The following STAMBPL1 variants were observed in gnomAD, a reference collection of about 807,000 sequenced individuals.
STAMBPL1 encodes STAM binding protein like 1.
In STAMBPL1, 44 loss-of-function variants were observed where a neutral mutation model predicts 52.9. The observed-to-expected ratio is 0.83, with a 90% confidence interval of 0.65 to 1.07. The LOEUF (loss-of-function observed/expected upper bound fraction) is 1.07. STAMBPL1 is among the 50% of genes least tolerant of loss of function. The pLI is 0.00. For missense variants in STAMBPL1, 511 were observed against 520.8 expected, an observed-to-expected ratio of 0.98 and a Z score of 0.18; for synonymous variants, 164 against 177.3, an observed-to-expected ratio of 0.92 and a Z score of 0.60.
intron 5 of STAMBPL1, among the ~76,000 whole-genome samples, chr10:88,911,422 T>C (rs940077404): frequency 6.6e-6 from 1 of 152,206 alleles, no homozygotes; most frequent in Non-Finnish European, 1.5e-5. Flanking sequence ...ATTCTTAGAA[T>C]GTTACAGTCA....
intron 1 of STAMBPL1, among the ~76,000 whole-genome samples, chr10:88,885,909 A>G (rs1431604785): frequency 6.6e-6 from 1 of 152,202 alleles, no homozygotes; most frequent in African/African-American, 2.4e-5. Flanking sequence ...TTATAAATGT[A>G]TGTTCTCATA....
Position 88,913,193 on chromosome 10 carries a change from G to C in STAMBPL1, c.513G>C (p.Gln171His), listed in dbSNP as rs773270910. 2 of 1,613,866 alleles carry C rather than the reference G, an allele frequency of 1.2e-6. No homozygotes were observed. The highest frequency in any genetic ancestry group is 2.2e-5 in the South Asian group (2 of 91,072). The change falls in exon 6 of 11, where the codon CAG (glutamine) becomes CAC (histidine). Residue 171 changes from glutamine to histidine, a missense_variant. Physicochemically the swap from Gln to His is conservative, Grantham distance 24. Coordinates refer to ENST00000371926, the MANE Select transcript of STAMBPL1 (RefSeq NM_020799.4). ...RKRIAQMRQQQLESEQFLFFE... is the reference protein window; with the variant it reads ...RKRIAQMRQQHLESEQFLFFE... ...GGATTGCTCAGATGCGCCAGCAGCAGCTAGAATCGGAGCAGTTTCTGTTTT... is the reference window on the plus strand; with the variant it reads ...GGATTGCTCAGATGCGCCAGCAGCACCTAGAATCGGAGCAGTTTCTGTTTT...
chr10:88,884,961 G>A (rs1279812392), intron 1 of STAMBPL1, among the ~76,000 whole-genome samples: 16 of 152,186 alleles, frequency 1.1e-4, no homozygotes, highest in Admixed American at 1.0e-3. Flanking sequence ...TAAATAAATA[G>A]CTGTAAATGC....
At chr10:88,913,688 ATGGGAAGTATTT>A (rs1845290382) in intron 6 of STAMBPL1, among the ~76,000 whole-genome samples, 2 of 149,418 alleles carry the variant, frequency 1.3e-5, no homozygotes. Flanking sequence ...TCTATAATAA[ATGGGAAGTATTT>A]TGTCATTGAC....
intron 8 of STAMBPL1, among the ~76,000 whole-genome samples, chr10:88,918,900 GTTGTTTAATAAGTTTAGCA>G (rs1209945522): frequency 6.6e-6 from 1 of 152,140 alleles, no homozygotes; most frequent in East Asian, 1.9e-4. Flanking sequence ...ATGAAGGTAA[GTTGTTTAATAAGTTTAGCA>G]TAATTCTTGA....
intron 4 of STAMBPL1, among the ~76,000 whole-genome samples, chr10:88,910,477 C>T (rs1183134435): frequency 6.6e-6 from 1 of 152,132 alleles, no homozygotes; most frequent in African/African-American, 2.4e-5. Flanking sequence ...AGTGCCTCAG[C>T]TATTCTTTTT....
At chr10:88,887,772 T>A (rs896873561) in intron 1 of STAMBPL1, among the ~76,000 whole-genome samples, 1 of 152,182 alleles carries the variant, frequency 6.6e-6, no homozygotes, top group African/African-American at 2.4e-5. Flanking sequence ...TCTTTCCACC[T>A]CAGCCACTCA....
chr10:88,881,096 C>A (rs1040480487), intron 1 of STAMBPL1, among the ~76,000 whole-genome samples: 1 of 152,112 alleles, frequency 6.6e-6, no homozygotes, highest in Non-Finnish European at 1.5e-5. Context: ...GACCTTTACC[C>A]CGGCCGAGCA....
chr10:88,916,773 A>G lies in STAMBPL1; in HGVS notation c.997A>G (p.Asn333Asp). The G allele has an allele frequency of 1.9e-6, 3 of 1,609,884 alleles. No homozygotes were observed. Among genetic ancestry groups the G allele is most frequent in the Non-Finnish European group, 2.5e-6 (3 of 1,178,156 alleles). Residue 333 changes from asparagine (N) to aspartate (D), a missense_variant, in exon 8 of 11, where the codon AAT becomes GAT. By Grantham distance (23) the Asn-to-Asp change is conservative. Transcript: ENST00000371926. Reference protein sequence around the residue: ...CDMENVEELFNVQDQHDLLTL... With the variant: ...CDMENVEELFDVQDQHDLLTL... ...CATGGAGAATGTAGAGGAATTATTC[A>G]ATGTTCAGGATCAACATGATCTCCT... is the stretch of plus-strand genomic sequence containing the variant.
intron 3 of STAMBPL1, among the ~76,000 whole-genome samples, chr10:88,908,299 G>A (rs530974971): frequency 2.6e-5 from 4 of 152,224 alleles, no homozygotes; most frequent in South Asian, 2.1e-4. Context: ...ATCAGTGGTC[G>A]TTTGAGTTTT....
Position 88,923,419 on chromosome 10 carries a change from T to C in STAMBPL1, c.*195T>C. 7.5e-7 allele frequency: 1 copy of C among 1,328,972 alleles called. No individual in the cohort carries two copies. The highest frequency in any genetic ancestry group is 9.6e-7 in the Non-Finnish European group (1 of 1,045,052). The allele number at this position is 1,328,972 out of a possible 1,614,324, so 82.3% of individuals were successfully genotyped here. A position where few individuals can be genotyped will look rare whatever the true frequency, so the allele number is the denominator to read the frequency against. On this transcript the variant is annotated 3_prime_UTR_variant, in exon 11 of 11. Coordinates refer to ENST00000371926, the MANE Select transcript of STAMBPL1 (RefSeq NM_020799.4). ...TTGCTCTGTGTCAAGAGAGGTTACA[T>C]GGTGTTAAATCGGTACCTGATAATG...
chr10:88,922,910 T>G (rs2133224681), intron 10 of STAMBPL1, among the ~76,000 whole-genome samples: 1 of 152,140 alleles, frequency 6.6e-6, no homozygotes, highest in East Asian at 1.9e-4. Flanking sequence ...TTCTTGGAGG[T>G]TCTGTGGCTA....
chr10:88,916,910 T>G, intron 8 of STAMBPL1, 93 bp downstream of exon 8: 1 of 1,289,462 alleles, frequency 7.8e-7, no homozygotes, highest in Non-Finnish European at 1.0e-6. Flanking sequence ...AAATAGCTTC[T>G]TCTTTTTAAT....
In STAMBPL1 at chr10:88,913,081, C is replaced by A; in HGVS notation, c.421-20C>A. 6.5e-7 allele frequency: 1 copy of A among 1,547,880 alleles called. No individual in the cohort carries two copies. Among genetic ancestry groups the A allele is most frequent in the South Asian group, 1.3e-5 (1 of 79,420 alleles). On this transcript the variant is annotated intron_variant, in intron 5 of 10. Transcript: ENST00000371926. ...TCTCCTTGGAAACTAACCTTCTCTT[C>A]TGGCTGCCACACTTTTTAGAACAAA...
chr10:88,923,348 G>C lies in STAMBPL1; in HGVS notation c.*124G>C. 7.1e-7 allele frequency: 1 copy of C among 1,399,394 alleles called. No individual in the cohort carries two copies. The highest frequency in any genetic ancestry group is 1.7e-5 in the South Asian group (1 of 57,828). 86.7% of individuals were successfully genotyped at this position (1,399,394 alleles called of 1,614,324 possible). On this transcript the variant is annotated 3_prime_UTR_variant, in exon 11 of 11. Coordinates refer to ENST00000371926, the MANE Select transcript of STAMBPL1 (RefSeq NM_020799.4). ...ATATTTATACATTTTAGATGACAAA[G>C]CTTGATATTTATTGCTGTTGCACAT...
At chr10:88,918,383 C>T (rs926975048) in intron 8 of STAMBPL1, among the ~76,000 whole-genome samples, 3 of 152,032 alleles carry the variant, frequency 2.0e-5, no homozygotes, top group Non-Finnish European at 4.4e-5. Context: ...TTAGTCCCAA[C>T]TCTTCCTGTA....
In STAMBPL1 at chr10:88,923,151, A is replaced by T. The variant is rs372881537; in HGVS notation, c.1255-17A>T. The T allele has an allele frequency of 3.8e-6, 6 of 1,594,388 alleles. No individual in the cohort carries two copies. The Admixed American group carries it at 7.1e-5, about 19-fold the overall frequency. The stretch of plus-strand genomic sequence containing the variant: ...GTGAAATCAAACATATGGTAAAACC[A>T]ATTTTTTCTTTCCTAGATATGCAAA... On this transcript the variant is annotated splice_polypyrimidine_tract_variant and intron_variant, in intron 10 of 10. Transcript: ENST00000371926.
intron 1 of STAMBPL1, among the ~76,000 whole-genome samples, chr10:88,899,994 C>T (rs1170130474): frequency 6.6e-6 from 1 of 152,138 alleles, no homozygotes; most frequent in Admixed American, 6.6e-5. Context: ...TGCCTACATT[C>T]AGTGGTGCCA....
intron 10 of STAMBPL1, among the ~76,000 whole-genome samples, chr10:88,922,851 T>C (rs907745612): frequency 6.6e-6 from 1 of 152,162 alleles, no homozygotes; most frequent in African/African-American, 2.4e-5. Context: ...TTGATTACCT[T>C]TGCATAGTCC....
Sources: gnomAD v4.1 joint callset for allele counts (sites outside exome capture counted in the v4.1 genomes callset) on GRCh38, gnomAD v4.1.1 for gene constraint, MANE v1.5 for transcripts, NCBI Gene and HGNC (gene_info 2026-07-23, HGNC 2026-07-21) for gene names.